The following SAMD8 variants were observed in gnomAD, a reference collection of about 807,000 sequenced individuals.
SAMD8 encodes the protein sterile alpha motif domain containing 8.
SAMD8 carries 20 observed loss-of-function variants against 42.0 expected under a neutral mutation model. The observed-to-expected ratio is 0.48, with a 90% CI of 0.34 to 0.69. SAMD8 has a LOEUF of 0.69. Among genes scored for constraint, SAMD8 ranks in the 30% least tolerant of loss-of-function variants. The pLI, the probability that SAMD8 is intolerant of heterozygous loss-of-function variation, is 0.01. For synonymous variants in SAMD8, 162 were observed against 173.0 expected (o/e 0.94, Z 0.50); for missense variants, 328 against 511.6 (o/e 0.64, Z 3.46).
rs146137205 is a variant in SAMD8, at chr10:75,138,148, A to G, written c.-15-12366A>G. ...TTGGCTGAACCTGATTCACATTTGAATCCTAGTAGCAAGGGACCCTGAGGA... is the reference window on the plus strand; with the variant it reads ...TTGGCTGAACCTGATTCACATTTGAGTCCTAGTAGCAAGGGACCCTGAGGA... On this transcript the variant is annotated intron_variant, in intron 1 of 5. Transcript: ENST00000542569. Among the ~76,000 whole-genome samples, 123 of 152,286 alleles carry G rather than the reference A, an allele frequency of 8.1e-4. 1 individual carries two copies. The East Asian group carries it at 0.022, about 27-fold the overall frequency.
intron 2 of SAMD8, among the ~76,000 whole-genome samples, chr10:75,163,179 C>A (rs966673542): frequency 2.6e-5 from 4 of 152,166 alleles, no homozygotes; most frequent in Admixed American, 6.5e-5. Context: ...CCCGCCTTGG[C>A]CTCCCAAAGT....
chr10:75,176,234 G>A lies in SAMD8; in HGVS notation c.943+18G>A. 1 of 1,614,136 alleles carries A rather than the reference G, an allele frequency of 6.2e-7. No homozygotes were observed. The highest frequency in any genetic ancestry group is 1.1e-5 in the South Asian group (1 of 91,082). On this transcript the variant is annotated intron_variant, in intron 5 of 5. Coordinates refer to ENST00000542569, the MANE Select transcript of SAMD8 (RefSeq NM_001174156.2). This position sits in a 1 kb window ranked among gnomAD's most constrained non-coding sequence, Gnocchi z 4.3. ...CACCGAATGTAAGTATCTTTTTAGT[G>A]CTTCTATGCGTATTAGGTAACTAGC... is the stretch of plus-strand genomic sequence containing the variant.
Position 75,181,514 on chromosome 10 carries a change from A to G in SAMD8, c.*4822A>G, listed in dbSNP as rs138530048. 1.2e-3 allele frequency: 179 copies of G among 152,338 alleles called. 1 individual carries two copies. Among genetic ancestry groups the G allele is most frequent in the African/African-American group, 4.2e-3 (176 of 41,564 alleles). The allele number at this position is 152,338 out of a possible 1,614,324, so 9.4% of individuals were successfully genotyped here. A position where few individuals can be genotyped will look rare whatever the true frequency, so the allele number is the denominator to read the frequency against. On this transcript the variant is annotated 3_prime_UTR_variant, in exon 6 of 6. Coordinates refer to ENST00000542569, the MANE Select transcript of SAMD8 (RefSeq NM_001174156.2). ...CAAGTTCTATACAAATATCTCTGAAATCTGTAAGCCATATTTCAGCTATTC... is the reference window on the plus strand; with the variant it reads ...CAAGTTCTATACAAATATCTCTGAAGTCTGTAAGCCATATTTCAGCTATTC...
chr10:75,137,957 C>T (rs890694016), intron 1 of SAMD8, among the ~76,000 whole-genome samples: 1 of 152,218 alleles, frequency 6.6e-6, no homozygotes, highest in African/African-American at 2.4e-5. Context: ...TGCCCCACAA[C>T]TGCAGCTGCT....
At chr10:75,111,571 G>A, upstream of SAMD8, 2 of 1,249,370 alleles carry the variant, frequency 1.6e-6, no homozygotes, top group Non-Finnish European at 2.0e-6. Flanking sequence ...AGTCGCCACC[G>A]CCCCCGCCTC....
upstream of SAMD8, among the ~76,000 whole-genome samples, chr10:75,111,213 C>G (rs1200303835): frequency 6.6e-6 from 1 of 152,230 alleles, no homozygotes; most frequent in Non-Finnish European, 1.5e-5. Flanking sequence ...TGGGGGCTGG[C>G]TATTGGAGAA....
At chr10:75,149,934 G>A (rs537359308) in intron 1 of SAMD8, among the ~76,000 whole-genome samples, 1 of 152,022 alleles carries the variant, frequency 6.6e-6, no homozygotes, top group South Asian at 2.1e-4. Flanking sequence ...AAAATTATTA[G>A]TGTGTTAATC....
Position 75,124,384 on chromosome 10 carries a change from G to A in SAMD8, c.-16+12662G>A, listed in dbSNP as rs550998695. Among the ~76,000 whole-genome samples, 9 of 152,052 alleles carry A rather than the reference G, an allele frequency of 5.9e-5. No homozygotes were observed. In the South Asian group the frequency reaches 1.5e-3, roughly 25 times the overall value. On this transcript the variant is annotated intron_variant, in intron 1 of 5. Transcript: ENST00000542569. ...TCCCAGCACTTTGGGAGGCCAAGACGGGCAGATCACTTGAGGTCAGGAGTT... is the reference window on the plus strand; with the variant it reads ...TCCCAGCACTTTGGGAGGCCAAGACAGGCAGATCACTTGAGGTCAGGAGTT...
intron 2 of SAMD8, among the ~76,000 whole-genome samples, chr10:75,153,154 GTA>G (rs1840330028): frequency 6.6e-6 from 1 of 151,828 alleles, no homozygotes; most frequent in Non-Finnish European, 1.5e-5. Context: ...GCTAATTTTT[GTA>G]TATTTAGTAG....
chr10:75,146,478 G>A lies in SAMD8; in HGVS notation c.-15-4036G>A, dbSNP rs1840138556. On this transcript the variant is annotated intron_variant, in intron 1 of 5. Transcript: ENST00000542569. ...TTTTTGTATTTTTGGTAGAGACAGG[G>A]TTTCTGCATGTTGGTCAGGCTGTTC... Among the ~76,000 whole-genome samples, 7 of 151,920 alleles carry A rather than the reference G, an allele frequency of 4.6e-5. No homozygotes were observed. In the South Asian group the frequency reaches 1.5e-3, roughly 32 times the overall value.
At chr10:75,129,610 A>G (rs1017484741) in intron 1 of SAMD8, among the ~76,000 whole-genome samples, 1 of 152,188 alleles carries the variant, frequency 6.6e-6, no homozygotes, top group Admixed American at 6.5e-5. Context: ...TCATCTACGT[A>G]GGAAAAAGAA....
chr10:75,163,927 A>G (rs925500710), intron 2 of SAMD8, among the ~76,000 whole-genome samples: 8 of 152,158 alleles, frequency 5.3e-5, no homozygotes, highest in East Asian at 1.9e-4. Flanking sequence ...AACAAAAAAC[A>G]AAAACAAGGG....
chr10:75,130,833 G>C (rs145834017), intron 1 of SAMD8, among the ~76,000 whole-genome samples: 1 of 152,104 alleles, frequency 6.6e-6, no homozygotes, highest in East Asian at 1.9e-4. Flanking sequence ...TCATTGTCTC[G>C]TGTAAAATGA....
intron 1 of SAMD8, chr10:75,105,822 C>T (rs375244324): frequency 1.2e-5 from 19 of 1,550,666 alleles, no homozygotes; most frequent in African/African-American, 9.6e-5. Context: ...CCAGGACCAG[C>T]GTGGCAGAGC....
chr10:75,153,715 ACAT>A (rs1374889669), intron 2 of SAMD8, among the ~76,000 whole-genome samples: 1 of 152,074 alleles, frequency 6.6e-6, no homozygotes, highest in Non-Finnish European at 1.5e-5. Context: ...AATAATGTAT[ACAT>A]CTCATTTTGC....
chr10:75,172,105 G>A (rs1840881356), intron 4 of SAMD8, among the ~76,000 whole-genome samples: 1 of 151,908 alleles, frequency 6.6e-6, no homozygotes, highest in Non-Finnish European at 1.5e-5. Context: ...CAACATGTAT[G>A]CGTGTCAGCT....
At position 75,168,550 on chromosome 10, in the gene SAMD8, T is replaced by C. The variant is rs760361903; in HGVS notation, c.684T>C (p.Leu228=). The C allele has an allele frequency of 1.9e-6, 3 of 1,613,514 alleles. No homozygotes were observed. In the South Asian group the frequency reaches 3.3e-5, roughly 18 times the overall value. The change falls in exon 4 of 6, where the codon CTT becomes CTC. Residue 228 remains leucine, a synonymous_variant. Coordinates refer to ENST00000542569, the MANE Select transcript of SAMD8 (RefSeq NM_001174156.2). ...VLLLHKHRSI[L]LRRLCSLMGT... ...GGTTGATCTGTTACAGGTCAATACT[T>C]CTGCGAAGGCTCTGTAGTCTGATGG... is the stretch of plus-strand genomic sequence containing the variant.
At chr10:75,106,274 CCT>C (rs1181541618) in intron 1 of SAMD8, among the ~76,000 whole-genome samples, 23 of 151,924 alleles carry the variant, frequency 1.5e-4, no homozygotes, top group African/African-American at 5.6e-4. Flanking sequence ...AGAGCTGGCC[CCT>C]GTCGCCTCAT....
chr10:75,156,622 A>G (rs775303662), intron 2 of SAMD8, among the ~76,000 whole-genome samples: 1 of 151,534 alleles, frequency 6.6e-6, no homozygotes, highest in Non-Finnish European at 1.5e-5. Flanking sequence ...AGCATCACCT[A>G]TGTAATCATC....
Sources: allele counts gnomAD v4.1 joint callset (sites outside exome capture counted in the v4.1 genomes callset), GRCh38; gene constraint gnomAD v4.1.1; non-coding constraint Gnocchi (gnomAD v3.1); transcripts MANE v1.5; gene names NCBI Gene and HGNC (gene_info 2026-07-23, HGNC 2026-07-21).